The following EPHA4 variants were observed in gnomAD, a reference collection of about 807,000 sequenced individuals.
The protein encoded by EPHA4 is ephrin type-A receptor 4.
Under a neutral mutation model 108.3 loss-of-function variants are expected in EPHA4, and 19 were observed. That is an observed-to-expected ratio of 0.18 (90% CI 0.12 to 0.26). EPHA4 has a LOEUF of 0.26. EPHA4 is among the 10% of genes least tolerant of loss of function. The pLI is 1.00. For missense variants in EPHA4, 917 were observed against 1,254.0 expected (o/e 0.73, Z 4.06); for synonymous variants, 449 against 455.5 (o/e 0.99, Z 0.18).
chr2:221,525,327 A>G (rs756180223), intron 3 of EPHA4, among the ~76,000 whole-genome samples: 2 of 152,174 alleles, frequency 1.3e-5, no homozygotes, highest in Non-Finnish European at 2.9e-5. Flanking sequence ...TAAAAGGTTA[A>G]TTTTCTGACT....
chr2:221,448,518 T>C (rs1452472920), intron 8 of EPHA4, among the ~76,000 whole-genome samples: 3 of 152,222 alleles, frequency 2.0e-5, no homozygotes, highest in Non-Finnish European at 4.4e-5. Flanking sequence ...CTATAAAAGA[T>C]GAAGTCTCCT....
chr2:221,437,621 CA>C (rs1043123989), intron 11 of EPHA4: 2 of 152,506 alleles, frequency 1.3e-5, no homozygotes, highest in African/African-American at 4.8e-5. Context: ...GCCTTAAAAC[CA>C]AGCACGCAGG....
At chr2:221,501,296 T>C (rs902309197) in intron 3 of EPHA4, 124 bp from the exon 4 acceptor site, 25 of 815,316 alleles carry the variant, frequency 3.1e-5, no homozygotes, top group Non-Finnish European at 3.6e-5. Flanking sequence ...AGCGATCATG[T>C]GGCTTGAAAT....
intron 12 of EPHA4, among the ~76,000 whole-genome samples, 177 bp downstream of exon 12, chr2:221,436,884 C>T (rs1690257379): frequency 6.6e-6 from 1 of 152,170 alleles, no homozygotes; most frequent in African/African-American, 2.4e-5. Context: ...AAACTACCCT[C>T]GTTGAACATG....
At chr2:221,434,908 A>G (rs1690184870) in intron 13 of EPHA4, among the ~76,000 whole-genome samples, 2 of 152,208 alleles carry the variant, frequency 1.3e-5, no homozygotes, top group Admixed American at 1.3e-4. Context: ...TTAAAAAAAA[A>G]AGACTTGTAA....
intron 3 of EPHA4, among the ~76,000 whole-genome samples, chr2:221,519,662 A>T (rs1326913900): frequency 6.6e-6 from 1 of 152,228 alleles, no homozygotes; most frequent in African/African-American, 2.4e-5. Flanking sequence ...ATGTAAGGAC[A>T]TGCTACCTGG....
intron 2 of EPHA4, among the ~76,000 whole-genome samples, chr2:221,564,843 G>A (rs1054536474): frequency 8.0e-6 from 1 of 124,340 alleles, no homozygotes; most frequent in Non-Finnish European, 1.6e-5. Flanking sequence ...ACAATTATCA[G>A]TTAATTAGTA....
chr2:221,431,962 C>G (rs1174107856), intron 14 of EPHA4, among the ~76,000 whole-genome samples: 1 of 152,012 alleles, frequency 6.6e-6, no homozygotes, highest in Non-Finnish European at 1.5e-5. Context: ...AAAGTAATTC[C>G]CCAGATACAT....
At chr2:221,462,490 A>G (rs1327411320) in intron 5 of EPHA4, among the ~76,000 whole-genome samples, 1 of 152,166 alleles carries the variant, frequency 6.6e-6, no homozygotes, top group Non-Finnish European at 1.5e-5. Flanking sequence ...GTGGTGCTCA[A>G]TAATTATGTC....
At chr2:221,547,275 G>C (rs1694025146) in intron 3 of EPHA4, among the ~76,000 whole-genome samples, 1 of 152,122 alleles carries the variant, frequency 6.6e-6, no homozygotes, top group African/African-American at 2.4e-5. Flanking sequence ...ATTATTAAAA[G>C]TTCATTCTCA....
chr2:221,552,393 G>A (rs905239287), intron 3 of EPHA4, among the ~76,000 whole-genome samples: 1 of 152,090 alleles, frequency 6.6e-6, no homozygotes, highest in African/African-American at 2.4e-5. Context: ...AATGGCCAGC[G>A]GAGAAGCGAT....
In EPHA4 at chr2:221,447,317, A is replaced by G. The variant is rs199945946; in HGVS notation, c.1716-1136T>C. Among the ~76,000 whole-genome samples the G allele has an allele frequency of 2.3e-3, 344 of 152,326 alleles. 3 individuals carry two copies. Among genetic ancestry groups the G allele is most frequent in the African/African-American group, 8.1e-3 (336 of 41,580 alleles). Reference sequence around the variant, plus strand: ...TACAGAAAAAGAAACACGGTCTGAGATAAGTAAAAATTCCCGCAAAGCCAG... The same window carrying G: ...TACAGAAAAAGAAACACGGTCTGAGGTAAGTAAAAATTCCCGCAAAGCCAG... On this transcript the variant is annotated intron_variant, in intron 8 of 17. Transcript: ENST00000281821.
intron 8 of EPHA4, 31 bp from the exon 9 acceptor site, chr2:221,446,212 T>C: frequency 7.1e-7 from 1 of 1,401,116 alleles, no homozygotes. Context: ...AAGAGAATTA[T>C]TTTCCTCAAA....
intron 4 of EPHA4, among the ~76,000 whole-genome samples, chr2:221,483,318 C>T (rs555649478): frequency 1.3e-5 from 2 of 152,240 alleles, no homozygotes; most frequent in Admixed American, 6.5e-5. Flanking sequence ...ACCCCTCCTC[C>T]TGCCCTTTAA....
At chr2:221,447,964 C>T (rs995432827) in intron 8 of EPHA4, among the ~76,000 whole-genome samples, 24 of 152,114 alleles carry the variant, frequency 1.6e-4, no homozygotes, top group Admixed American at 4.6e-4. Flanking sequence ...GCCTCAGCCT[C>T]CTGAGTAGCT....
chr2:221,523,495 C>CAG (rs995493682), intron 3 of EPHA4, among the ~76,000 whole-genome samples: 69 of 152,264 alleles, frequency 4.5e-4, no homozygotes, highest in African/African-American at 1.6e-3. Context: ...CCATGTTGGT[C>CAG]AGGCTGGTCT....
intron 4 of EPHA4, among the ~76,000 whole-genome samples, chr2:221,498,346 G>T (rs2106154957): frequency 6.6e-6 from 1 of 152,310 alleles, no homozygotes; most frequent in South Asian, 2.1e-4. Flanking sequence ...CAAAATGTCA[G>T]CCTCAAACAC....
intron 2 of EPHA4, among the ~76,000 whole-genome samples, chr2:221,566,969 G>GGAAGAAGAAGAAGAAGAAGAGGAA (rs1694681988): frequency 3.6e-5 from 1 of 27,654 alleles, no homozygotes; most frequent in Non-Finnish European, 6.2e-5. Flanking sequence ...AAGAGGAAGA[G>GGAAGAAGAAGAAGAAGAAGAGGAA]GAAGAAGAAG....
intron 14 of EPHA4, among the ~76,000 whole-genome samples, chr2:221,432,818 A>ATTTTTTTTTT (rs34200694): frequency 3.4e-5 from 3 of 89,106 alleles, no homozygotes; most frequent in Non-Finnish European, 6.5e-5. Flanking sequence ...AAATCTTTGT[A>ATTTTTTTTTT]TTTTTTTTTT....
Sources: allele counts gnomAD v4.1 joint callset (sites outside exome capture counted in the v4.1 genomes callset), GRCh38; gene constraint gnomAD v4.1.1; transcripts MANE v1.5; gene names NCBI Gene and HGNC (gene_info 2026-07-23, HGNC 2026-07-21).